MED13: variants seen among roughly 807,000 people sequenced by gnomAD.
MED13 encodes the protein mediator complex subunit 13.
Under a neutral mutation model 225.2 loss-of-function variants are expected in MED13, and 23 were observed. That is an observed-to-expected ratio of 0.10 (90% CI 0.07 to 0.14). The LOEUF is 0.14. Among genes scored for constraint, MED13 ranks in the 10% least tolerant of loss-of-function variants. The probability of loss-of-function intolerance (pLI) is 1.00; values close to 1 mark genes in which losing one functional copy is unlikely to be tolerated. For missense variants in MED13, 2,197 were observed against 2,594.5 expected (o/e 0.85, Z 3.33); for synonymous variants, 942 against 889.2 (o/e 1.06, Z -1.06).
At chr17:62,043,779 ATAGT>A (rs979069933) in intron 3 of MED13, among the ~76,000 whole-genome samples, 2 of 152,272 alleles carry the variant, frequency 1.3e-5, no homozygotes, top group Admixed American at 6.5e-5. Context: ...AACCTTCTGC[ATAGT>A]TAATTATATG....
chr17:62,019,987 G>A (rs1250361404), intron 8 of MED13, among the ~76,000 whole-genome samples: 1 of 151,708 alleles, frequency 6.6e-6, no homozygotes, highest in African/African-American at 2.4e-5. Flanking sequence ...CCTGTGATCC[G>A]CCCGCCTCGG....
rs1005800105 is a variant in MED13 at position 61,984,208 on chromosome 17, G to T, written c.2851C>A (p.Leu951Ile). 3.7e-6 allele frequency: 6 copies of T among 1,601,686 alleles called. No individual in the cohort carries two copies. Among genetic ancestry groups the T allele is most frequent in the Middle Eastern group, 1.7e-4 (1 of 6,020 alleles). ...AATGGCATTGAAGGCCCTGAAGAAA[G>T]CAATTCCAATTTTCCAACAGTCCAA... ...QSWTVGKLEL[L>I]SSGPSMPFIK... Residue 951 changes from leucine to isoleucine, a missense_variant, in exon 15 of 30, where the codon CTT becomes ATT. Leu to Ile is a conservative substitution (Grantham distance 5). Coordinates refer to ENST00000397786, the MANE Select transcript of MED13 (RefSeq NM_005121.3).
intron 29 of MED13, 104 bp from the exon 30 acceptor site, chr17:61,946,704 G>C: frequency 7.3e-7 from 1 of 1,365,690 alleles, no homozygotes; most frequent in South Asian, 1.3e-5. Flanking sequence ...CCTTAAAAAA[G>C]AGTGTAACAG....
Position 62,035,602 on chromosome 17 carries a change from G to C in MED13, c.477C>G (p.His159Gln). The change falls in exon 4 of 30, where the codon CAC (histidine) becomes CAG (glutamine). Residue 159 changes from histidine (H) to glutamine (Q), a missense_variant. Coordinates refer to ENST00000397786, the MANE Select transcript of MED13 (RefSeq NM_005121.3). ...KDEKPINKSE[H>Q]LSCSFTFFLH... ...AGAAAAAGGTGAAGGAGCAGGACAA[G>C]TGTTCACTAAAAAAGAAGAAAAAGT... 6.2e-7 allele frequency: 1 copy of C among 1,603,848 alleles called. No homozygotes were observed. The highest frequency in any genetic ancestry group is 8.5e-7 in the Non-Finnish European group (1 of 1,177,522).
At chr17:61,991,466 A>G (rs1417824490) in intron 11 of MED13, among the ~76,000 whole-genome samples, 1 of 151,690 alleles carries the variant, frequency 6.6e-6, no homozygotes, top group Non-Finnish European at 1.5e-5. Flanking sequence ...CAGCCTCCCA[A>G]GTTGCTGGGA....
intron 3 of MED13, among the ~76,000 whole-genome samples, chr17:62,048,035 T>C (rs1344971899): frequency 8.1e-6 from 1 of 123,876 alleles, no homozygotes; most frequent in Admixed American, 8.2e-5. Context: ...CATATACATA[T>C]ACATATACAT....
chr17:61,955,101 C>CT (rs2079930967), intron 26 of MED13, among the ~76,000 whole-genome samples: 1 of 152,126 alleles, frequency 6.6e-6, no homozygotes, highest in Non-Finnish European at 1.5e-5. Context: ...ATAGCATCTT[C>CT]TCCCTTTGAC....
intron 3 of MED13, among the ~76,000 whole-genome samples, chr17:62,040,297 G>A (rs1184374038): frequency 6.6e-6 from 1 of 152,146 alleles, no homozygotes; most frequent in Admixed American, 6.6e-5. Flanking sequence ...ATAAAGGATT[G>A]CAGAGAATAC....
intron 5 of MED13, among the ~76,000 whole-genome samples, chr17:62,032,689 G>C (rs777958577): frequency 7.2e-5 from 11 of 152,156 alleles, no homozygotes; most frequent in Non-Finnish European, 1.3e-4. Flanking sequence ...GTAAGCATGT[G>C]ATATAAGCCA....
At chr17:61,972,706 A>G (rs768719680) in intron 17 of MED13, 21 bp downstream of exon 17, 16 of 1,582,296 alleles carry the variant, frequency 1.0e-5, no homozygotes, top group Middle Eastern at 1.7e-4. Context: ...TAGTCATTAT[A>G]TATCACTATA....
intron 10 of MED13, among the ~76,000 whole-genome samples, chr17:61,993,228 G>A (rs2080317564): frequency 8.2e-6 from 1 of 121,452 alleles, no homozygotes; most frequent in African/African-American, 3.5e-5. Flanking sequence ...TTGAGACAGA[G>A]TCTCACTCTG....
At chr17:61,966,685 A>C in intron 18 of MED13, 34 bp from the exon 19 acceptor site, 1 of 1,420,986 alleles carries the variant, frequency 7.0e-7, no homozygotes, top group Non-Finnish European at 9.5e-7. Flanking sequence ...AGAATTAGTA[A>C]ATTTATTATT....
In MED13 at chr17:62,014,314, A is replaced by G. The variant is rs2080541537; in HGVS notation, c.1284-3081T>C. ...TGGGAAGTTCTGTATATGTTTTTAT[A>G]TATATATATATATATATTTTGAGAC... On this transcript the variant is annotated intron_variant, in intron 8 of 29. Coordinates refer to ENST00000397786, the MANE Select transcript of MED13 (RefSeq NM_005121.3). 2.0e-5 allele frequency among the ~76,000 whole-genome samples: 3 copies of G among 149,580 alleles called. No individual in the cohort carries two copies. In the South Asian group the frequency reaches 6.3e-4, roughly 32 times the overall value.
chr17:62,035,247 C>T (rs2143692160), intron 4 of MED13, among the ~76,000 whole-genome samples: 1 of 152,138 alleles, frequency 6.6e-6, no homozygotes, highest in East Asian at 1.9e-4. Flanking sequence ...AACTACTTCA[C>T]CATTCACGGT....
chr17:61,964,918 AGAGT>A, intron 20 of MED13, 84 bp downstream of exon 20: 1 of 1,264,142 alleles, frequency 7.9e-7, no homozygotes, highest in Non-Finnish European at 1.1e-6. Context: ...CCTGCGCAAA[AGAGT>A]GAGACTGTGT....
chr17:62,061,022 C>T (rs1040602934), intron 2 of MED13, among the ~76,000 whole-genome samples: 3 of 152,066 alleles, frequency 2.0e-5, no homozygotes, highest in African/African-American at 4.8e-5. Flanking sequence ...TTTAAAGGTA[C>T]AAGTAACTAC....
intron 3 of MED13, among the ~76,000 whole-genome samples, chr17:62,049,513 C>CCTGGCCA (rs2080935565): frequency 2.0e-4 from 30 of 151,972 alleles, no homozygotes; most frequent in Non-Finnish European, 4.1e-4. Flanking sequence ...TGTGTTACAA[C>CCTGGCCA]AAAACTTTAT....
At chr17:62,046,394 A>G (rs1007581758) in intron 3 of MED13, among the ~76,000 whole-genome samples, 1 of 152,246 alleles carries the variant, frequency 6.6e-6, no homozygotes, top group African/African-American at 2.4e-5. Flanking sequence ...TCGAAAGAGC[A>G]TATACTATTT....
At chr17:61,990,627 G>GTATATATATATATATATATATATATA (rs5821345) in intron 11 of MED13, among the ~76,000 whole-genome samples, 2 of 139,004 alleles carry the variant, frequency 1.4e-5, no homozygotes, top group Admixed American at 7.2e-5. Flanking sequence ...GGCGCACTGT[G>GTATATATATATATATATATATATATA]TATATATATA....
Sources: allele counts gnomAD v4.1 joint callset (sites outside exome capture counted in the v4.1 genomes callset), GRCh38; gene constraint gnomAD v4.1.1; transcripts MANE v1.5; gene names NCBI Gene and HGNC (gene_info 2026-07-23, HGNC 2026-07-21).